The following GCSAML variants were observed in gnomAD, a reference collection of about 807,000 sequenced individuals.
GCSAML encodes the protein germinal center associated signaling and motility like, also known as germinal center-associated signaling and motility-like protein.
GCSAML carries 9 observed loss-of-function variants against 13.0 expected under a neutral mutation model. That is an observed-to-expected ratio of 0.69 (90% CI 0.42 to 1.21). GCSAML has a LOEUF of 1.21. Ranked by LOEUF, GCSAML falls within the 50% of genes most tolerant of loss-of-function variation. The pLI is 0.00. For synonymous variants in GCSAML, 37 were observed against 52.9 expected (o/e 0.70, Z 1.31); for missense variants, 143 against 153.4 (o/e 0.93, Z 0.36).
At chr1:247,567,199 G>A (rs1328409309) in intron 4 of GCSAML, among the ~76,000 whole-genome samples, 1 of 151,124 alleles carries the variant, frequency 6.6e-6, no homozygotes, top group Non-Finnish European at 1.5e-5. Context: ...TGGGATACAT[G>A]TGCTGAATGG....
chr1:247,564,604 A>G (rs1194503051), intron 3 of GCSAML, among the ~76,000 whole-genome samples: 1 of 152,216 alleles, frequency 6.6e-6, no homozygotes, highest in African/African-American at 2.4e-5. Context: ...ATGATTTGAT[A>G]TATGTATACA....
chr1:247,555,979 G>A (rs1572354828), intron 1 of GCSAML, among the ~76,000 whole-genome samples: 1 of 152,178 alleles, frequency 6.6e-6, no homozygotes, highest in South Asian at 2.1e-4. Flanking sequence ...GCCCAGAGAC[G>A]CTTGCTCTGG....
chr1:247,558,423 G>A (rs1668021561), intron 2 of GCSAML, among the ~76,000 whole-genome samples: 1 of 152,156 alleles, frequency 6.6e-6, no homozygotes, highest in Admixed American at 6.6e-5. Context: ...GTATAGTACA[G>A]TAAAATTCAC....
Position 247,508,308 on chromosome 1 carries a change from GTCT to G in GCSAML, c.-263+1080_-263+1082del, listed in dbSNP as rs535417827. 2.0e-4 allele frequency among the ~76,000 whole-genome samples: 30 copies of G among 152,200 alleles called. 1 individual carries two copies. In the South Asian group the frequency reaches 6.0e-3, roughly 31 times the overall value. On this transcript the variant is annotated intron_variant, in intron 1 of 5. Transcript: ENST00000366489. ...TCATATGTTTGATGGCCACATAAAT[GTCT>G]TCTTTTTGAGAAGTGTCTATTTATA...
chr1:247,552,993 A>C (rs1667829773), intron 1 of GCSAML, among the ~76,000 whole-genome samples: 1 of 152,156 alleles, frequency 6.6e-6, no homozygotes, highest in Non-Finnish European at 1.5e-5. Flanking sequence ...TGACCTTGTG[A>C]TCTACCTGCC....
chr1:247,518,217 C>CCTGG lies in GCSAML; in HGVS notation c.-262-8723_-262-8722insCTGG, dbSNP rs1572285570. ...GGGAGCTGCCATTCCGCCCTGACGT[C>CCTGG]GCCGCGTACACGTACCTGGGGCGGT... On this transcript the variant is annotated intron_variant, in intron 1 of 5. Transcript: ENST00000366489. Among the ~76,000 whole-genome samples the CCTGG allele has an allele frequency of 3.9e-5, 6 of 152,352 alleles. No homozygotes were observed. The East Asian group carries it at 1.2e-3, about 29-fold the overall frequency.
At chr1:247,537,175 G>T (rs1328889680) in intron 2 of GCSAML, among the ~76,000 whole-genome samples, 5 of 152,098 alleles carry the variant, frequency 3.3e-5, no homozygotes, top group Non-Finnish European at 7.4e-5. Flanking sequence ...CTTTCTCTAT[G>T]TATGGATTTG....
chr1:247,542,288 T>A (rs1288692464), intron 2 of GCSAML, among the ~76,000 whole-genome samples: 1 of 151,924 alleles, frequency 6.6e-6, no homozygotes, highest in Admixed American at 6.5e-5. Context: ...CCTTGTCTTT[T>A]AAAAAAAGGA....
intron 1 of GCSAML, among the ~76,000 whole-genome samples, chr1:247,517,489 T>C (rs1222442530): frequency 6.6e-6 from 1 of 152,218 alleles, no homozygotes; most frequent in Admixed American, 6.5e-5. Context: ...TTTAGGAGAT[T>C]GTATCCAGTA....
At chr1:247,529,050 C>T (rs1666799115) in intron 2 of GCSAML, 1 of 152,154 alleles carries the variant, frequency 6.6e-6, no homozygotes, top group African/African-American at 2.4e-5. Flanking sequence ...AGCATTATGA[C>T]ATTTCTCTCA....
At chr1:247,565,840 GT>G in intron 3 of GCSAML, 90 bp from the exon 4 acceptor site, 1 of 1,037,312 alleles carries the variant, frequency 9.6e-7, no homozygotes, top group Admixed American at 3.1e-5. Flanking sequence ...TCTACATTCT[GT>G]TTTTTTCACC....
chr1:247,534,279 C>T (rs1458829370), intron 2 of GCSAML, among the ~76,000 whole-genome samples: 3 of 152,098 alleles, frequency 2.0e-5, no homozygotes, highest in Non-Finnish European at 4.4e-5. Flanking sequence ...AGTGTCTAAC[C>T]CAGTGTCTGA....
rs1408363066 is a variant in GCSAML at position 247,526,635 on chromosome 1, T to TA, written c.-262-305_-262-304insA. 7.0e-6 allele frequency: 2 copies of TA among 287,538 alleles called. No individual in the cohort carries two copies. Among genetic ancestry groups the TA allele is most frequent in the Non-Finnish European group, 1.4e-5 (2 of 148,100 alleles). The allele number at this position is 287,538 out of a possible 1,614,324, so 17.8% of individuals were successfully genotyped here. A position where few individuals can be genotyped will look rare whatever the true frequency, so the allele number is the denominator to read the frequency against. ...TGCATGCTGTGGTGATGCATGACCCTCACAGTGTGCAGCATGGGAGGAAAC... is the reference window on the plus strand; with the variant it reads ...TGCATGCTGTGGTGATGCATGACCCTACACAGTGTGCAGCATGGGAGGAAAC... On this transcript the variant is annotated intron_variant, in intron 1 of 5. Transcript: ENST00000366489. This position sits in a 1 kb window ranked among gnomAD's most constrained non-coding sequence, Gnocchi z 4.8.
At chr1:247,565,176 G>A (rs1307912535) in intron 3 of GCSAML, among the ~76,000 whole-genome samples, 1 of 152,036 alleles carries the variant, frequency 6.6e-6, no homozygotes, top group South Asian at 2.1e-4. Flanking sequence ...TGGCTAACAC[G>A]GTGAAACCCC....
intron 2 of GCSAML, among the ~76,000 whole-genome samples, chr1:247,556,891 G>A (rs1667973250): frequency 6.6e-6 from 1 of 151,894 alleles, no homozygotes; most frequent in Non-Finnish European, 1.5e-5. Flanking sequence ...CTTCACCAGG[G>A]CCTACAGTTC....
At chr1:247,573,243 G>T (rs1393043516) in intron 4 of GCSAML, among the ~76,000 whole-genome samples, 1 of 152,178 alleles carries the variant, frequency 6.6e-6, no homozygotes, top group Non-Finnish European at 1.5e-5. Flanking sequence ...CAGCTAGCTT[G>T]GTGTCTGCTC....
At chr1:247,570,414 T>C (rs1668558201) in intron 4 of GCSAML, among the ~76,000 whole-genome samples, 1 of 152,200 alleles carries the variant, frequency 6.6e-6, no homozygotes, top group Non-Finnish European at 1.5e-5. Context: ...GTGTCTTTGT[T>C]CTCATTGGTT....
At chr1:247,511,167 G>A (rs569142575) in intron 1 of GCSAML, among the ~76,000 whole-genome samples, 47 of 152,140 alleles carry the variant, frequency 3.1e-4, no homozygotes, top group African/African-American at 1.0e-3. Flanking sequence ...CTCTTTGTAG[G>A]TCTCTAAGAA....
chr1:247,544,959 G>A (rs1160698706), upstream of GCSAML, among the ~76,000 whole-genome samples: 1 of 152,148 alleles, frequency 6.6e-6, no homozygotes, highest in Non-Finnish European at 1.5e-5. Context: ...CAAATTTGAG[G>A]TAATTTTTTT....
Sources: allele counts gnomAD v4.1 joint callset (sites outside exome capture counted in the v4.1 genomes callset), GRCh38; gene constraint gnomAD v4.1.1; non-coding constraint Gnocchi (gnomAD v3.1); transcripts MANE v1.5; gene names NCBI Gene and HGNC (gene_info 2026-07-23, HGNC 2026-07-21).